The following GBE1 variants were observed in gnomAD, a reference collection of about 807,000 sequenced individuals.
The protein encoded by GBE1 is 1,4-alpha-glucan-branching enzyme.
Under a neutral mutation model 88.8 loss-of-function variants are expected in GBE1, and 70 were observed. The observed-to-expected ratio is 0.79, with a 90% CI of 0.65 to 0.96. GBE1 has a LOEUF of 0.96. Ranked by LOEUF, GBE1 falls within the 40% of genes least tolerant of loss-of-function variation. The probability of loss-of-function intolerance (pLI) is 0.00; values close to 1 mark genes in which losing one functional copy is unlikely to be tolerated. For missense variants in GBE1, 872 were observed against 871.0 expected, an observed-to-expected ratio of 1.00 and a Z score of -0.01; for synonymous variants, 284 against 300.1, an observed-to-expected ratio of 0.95 and a Z score of 0.56.
chr3:81,558,528 T>C (rs1331191943), intron 12 of GBE1, among the ~76,000 whole-genome samples: 5 of 152,018 alleles, frequency 3.3e-5, no homozygotes, highest in Non-Finnish European at 4.4e-5. Flanking sequence ...AATTCAGTTT[T>C]CTAACTGTAA....
In GBE1 at chr3:81,593,306, A is replaced by C. The variant is rs181717192; in HGVS notation, c.1108+602T>G. ...CTTGAACCCAAGAGATGGAGTTTGC[A>C]GTGATCTGAGTTCACACCACTGCGC... On this transcript the variant is annotated intron_variant, in intron 8 of 15. Coordinates refer to ENST00000429644, the MANE Select transcript of GBE1 (RefSeq NM_000158.4). 7.7e-3 allele frequency among the ~76,000 whole-genome samples: 1,160 copies of C among 151,376 alleles called. 23 individuals are homozygous for C. The highest frequency in any genetic ancestry group is 0.027 in the African/African-American group (1,106 of 41,324).
At chr3:81,663,264 A>T (rs1559680351) in intron 3 of GBE1, among the ~76,000 whole-genome samples, 1 of 152,148 alleles carries the variant, frequency 6.6e-6, no homozygotes, top group Non-Finnish European at 1.5e-5. Flanking sequence ...ATGGGCCTAT[A>T]AAAACCCAAG....
At chr3:81,599,774 TA>T (rs1161704332) in intron 7 of GBE1, among the ~76,000 whole-genome samples, 3 of 152,148 alleles carry the variant, frequency 2.0e-5, no homozygotes, top group Non-Finnish European at 4.4e-5. Flanking sequence ...ATCTATAAAA[TA>T]AAGCTAATGA....
intron 12 of GBE1, among the ~76,000 whole-genome samples, chr3:81,541,768 G>A (rs1703145880): frequency 6.6e-6 from 1 of 152,012 alleles, no homozygotes; most frequent in Non-Finnish European, 1.5e-5. Flanking sequence ...CCAGTCTATG[G>A]TGGTTTGTTA....
At chr3:81,525,259 A>C (rs1378986315) in intron 14 of GBE1, among the ~76,000 whole-genome samples, 1 of 151,878 alleles carries the variant, frequency 6.6e-6, no homozygotes, top group Non-Finnish European at 1.5e-5. Flanking sequence ...GAATTTTGTC[A>C]AAGGCCTTTT....
chr3:81,578,413 A>C (rs558850189), intron 11 of GBE1, among the ~76,000 whole-genome samples: 5 of 152,004 alleles, frequency 3.3e-5, no homozygotes, highest in African/African-American at 9.6e-5. Context: ...TGAAACATTT[A>C]TTATAATGTT....
intron 2 of GBE1, among the ~76,000 whole-genome samples, chr3:81,680,494 C>CAAAAA (rs10711455): frequency 2.1e-5 from 2 of 94,706 alleles, no homozygotes; most frequent in Non-Finnish European, 4.4e-5. Context: ...GACTCCGTCT[C>CAAAAA]AAAAAAAAAA....
chr3:81,573,781 G>GTGTGTT (rs1489575166), intron 12 of GBE1, among the ~76,000 whole-genome samples: 2 of 151,308 alleles, frequency 1.3e-5, no homozygotes, highest in Non-Finnish European at 2.9e-5. Context: ...CTCTCTGTGT[G>GTGTGTT]TGTGTGTGTG....
At chr3:81,700,854 T>C (rs919816779) in intron 2 of GBE1, among the ~76,000 whole-genome samples, 15 of 152,154 alleles carry the variant, frequency 9.9e-5, no homozygotes, top group African/African-American at 2.4e-4. Flanking sequence ...GATAGACATT[T>C]AGGTTATTTG....
intron 14 of GBE1, among the ~76,000 whole-genome samples, chr3:81,531,856 G>A (rs1337799418): frequency 6.6e-6 from 1 of 152,048 alleles, no homozygotes; most frequent in Admixed American, 6.6e-5. Flanking sequence ...GTACTTTAGT[G>A]TGCAGTGTTG....
intron 7 of GBE1, among the ~76,000 whole-genome samples, chr3:81,626,759 C>T (rs1441270020): frequency 6.7e-6 from 1 of 149,362 alleles, no homozygotes; most frequent in African/African-American, 2.5e-5. Context: ...AAAAAAATCT[C>T]TTCTATGTGC....
chr3:81,537,101 T>C lies in GBE1; in HGVS notation c.1619-6A>G. The stretch of plus-strand genomic sequence containing the variant: ...AGGATGCCCAAATTCATTACCTGCA[T>C]TACAAAACACATGCAAATATCAGCC... On this transcript the variant is annotated splice_region_variant and splice_polypyrimidine_tract_variant and intron_variant, in intron 12 of 15. Transcript: ENST00000429644. 1.3e-6 allele frequency: 2 copies of C among 1,481,902 alleles called. No homozygotes were observed. The highest frequency in any genetic ancestry group is 2.6e-5 in the East Asian group (1 of 38,500). The allele number at this position is 1,481,902 out of a possible 1,614,324, so 91.8% of individuals were successfully genotyped here.
intron 1 of GBE1, among the ~76,000 whole-genome samples, chr3:81,711,915 G>A (rs1461017074): frequency 1.3e-5 from 2 of 152,008 alleles, no homozygotes; most frequent in African/African-American, 2.4e-5. Flanking sequence ...ATCTGACAAA[G>A]GGCTAATATC....
chr3:81,518,395 G>A (rs1172781825), intron 14 of GBE1, among the ~76,000 whole-genome samples: 2 of 151,478 alleles, frequency 1.3e-5, no homozygotes, highest in Admixed American at 6.6e-5. Flanking sequence ...ACATTCGTGT[G>A]CAGTAAGGAC....
At chr3:81,529,267 A>C (rs545539279) in intron 14 of GBE1, among the ~76,000 whole-genome samples, 2 of 152,142 alleles carry the variant, frequency 1.3e-5, no homozygotes, top group East Asian at 3.9e-4. Context: ...TCATCTTGCC[A>C]GCATTTTAAC....
At chr3:81,691,303 G>A (rs1037529970) in intron 2 of GBE1, among the ~76,000 whole-genome samples, 9 of 152,064 alleles carry the variant, frequency 5.9e-5, no homozygotes, top group Admixed American at 2.0e-4. Flanking sequence ...GAAGAAAAAG[G>A]AGAACAAAAA....
intron 7 of GBE1, among the ~76,000 whole-genome samples, chr3:81,642,192 T>A (rs1319359301): frequency 2.0e-5 from 3 of 152,008 alleles, no homozygotes; most frequent in African/African-American, 7.2e-5. Context: ...TAAGCCTTAG[T>A]TTATTTATCT....
At chr3:81,620,909 C>G (rs1048831659) in intron 7 of GBE1, among the ~76,000 whole-genome samples, 1 of 151,990 alleles carries the variant, frequency 6.6e-6, no homozygotes, top group Non-Finnish European at 1.5e-5. Flanking sequence ...GAAGTGCATT[C>G]CAAATGAAAG....
chr3:81,739,954 G>A (rs1426589917), intron 1 of GBE1, among the ~76,000 whole-genome samples: 2 of 152,148 alleles, frequency 1.3e-5, no homozygotes, highest in African/African-American at 4.8e-5. Context: ...GGCCAGGTGT[G>A]ATGATCACAC....
Sources: gnomAD v4.1 joint callset for allele counts (sites outside exome capture counted in the v4.1 genomes callset) on GRCh38, gnomAD v4.1.1 for gene constraint, MANE v1.5 for transcripts, NCBI Gene and HGNC (gene_info 2026-07-23, HGNC 2026-07-21) for gene names.